The following KCTD8 variants were observed in gnomAD, a reference collection of about 807,000 sequenced individuals.
KCTD8 encodes the protein potassium channel tetramerization domain containing 8.
Under a neutral mutation model 31.5 loss-of-function variants are expected in KCTD8, and 27 were observed. The observed-to-expected ratio is 0.86, with a 90% CI of 0.63 to 1.18. The LOEUF (loss-of-function observed/expected upper bound fraction) is 1.18. Ranked by LOEUF, KCTD8 falls within the 50% of genes most tolerant of loss-of-function variation. The pLI is 0.00. For missense variants in KCTD8, 658 were observed against 647.7 expected (o/e 1.02, Z -0.17); for synonymous variants, 290 against 280.0 (o/e 1.04, Z -0.36).
intron 1 of KCTD8, among the ~76,000 whole-genome samples, chr4:44,365,549 A>G (rs1719609186): frequency 6.6e-6 from 1 of 152,202 alleles, no homozygotes; most frequent in African/African-American, 2.4e-5. Flanking sequence ...AAACAAGGTA[A>G]ATGAAAACAG....
At chr4:44,344,309 C>A (rs574294163) in intron 1 of KCTD8, among the ~76,000 whole-genome samples, 5 of 152,094 alleles carry the variant, frequency 3.3e-5, no homozygotes, top group Non-Finnish European at 4.4e-5. Context: ...CTCAGCCTCC[C>A]AGGTAGCTAA....
chr4:44,233,845 C>A (rs985188), intron 1 of KCTD8, among the ~76,000 whole-genome samples: 114,389 of 151,964 alleles, frequency 0.75, 43,904 homozygotes, highest in East Asian at 0.93. Flanking sequence ...ACGATGTAGA[C>A]TATTTTAATA....
chr4:44,316,848 G>A (rs1173565233), intron 1 of KCTD8, among the ~76,000 whole-genome samples: 6 of 146,194 alleles, frequency 4.1e-5, no homozygotes, highest in African/African-American at 1.0e-4. Flanking sequence ...CTTGGTGGCC[G>A]GCGCCTGTAG....
At chr4:44,410,618 A>G (rs1016686289) in intron 1 of KCTD8, among the ~76,000 whole-genome samples, 1 of 152,160 alleles carries the variant, frequency 6.6e-6, no homozygotes, top group African/African-American at 2.4e-5. Context: ...ACAGTTCCAC[A>G]TGGCTGCAGA....
chr4:44,175,198 A>G lies in KCTD8; in HGVS notation c.1014T>C (p.His338=). 6.2e-7 allele frequency: 1 copy of G among 1,607,774 alleles called. No individual in the cohort carries two copies. Among genetic ancestry groups the G allele is most frequent in the Non-Finnish European group, 8.5e-7 (1 of 1,177,312 alleles). The change falls in exon 2 of 2, where the codon CAT becomes CAC. Residue 338 remains histidine (H), a synonymous_variant. Coordinates refer to ENST00000360029, the MANE Select transcript of KCTD8 (RefSeq NM_198353.3). ...SPKQEHEDRK[H]DKVTDKGSES... ...CACTTCCTTTATCAGTGACTTTGTC[A>G]TGTTTCCTATCTTCATGTTCTTGTT...
intron 1 of KCTD8, among the ~76,000 whole-genome samples, chr4:44,342,584 G>A (rs931440020): frequency 2.6e-5 from 4 of 152,078 alleles, no homozygotes; most frequent in African/African-American, 9.7e-5. Context: ...GTCTTCAGTT[G>A]CATTAGATAC....
At chr4:44,431,642 C>T (rs1721509398) in intron 1 of KCTD8, among the ~76,000 whole-genome samples, 1 of 151,478 alleles carries the variant, frequency 6.6e-6, no homozygotes, top group East Asian at 1.9e-4. Context: ...TCTCCTGTAT[C>T]CAATTCTTAT....
intron 1 of KCTD8, among the ~76,000 whole-genome samples, chr4:44,319,845 T>C (rs1440769102): frequency 6.6e-6 from 1 of 152,068 alleles, no homozygotes; most frequent in African/African-American, 2.4e-5. Flanking sequence ...CATGTCTCAA[T>C]AAGACTTCCA....
intron 1 of KCTD8, among the ~76,000 whole-genome samples, chr4:44,238,957 C>G (rs1250658118): frequency 1.3e-5 from 2 of 151,952 alleles, no homozygotes; most frequent in African/African-American, 4.8e-5. Context: ...TCATAAGATG[C>G]TGGAAGTAGA....
At position 44,448,720 on chromosome 4, in the gene KCTD8, C is replaced by T. The variant is rs892587509; in HGVS notation, c.-197G>A. 68 of 431,514 alleles carry T rather than the reference C, an allele frequency of 1.6e-4. No homozygotes were observed. The highest frequency in any genetic ancestry group is 1.3e-3 in the Middle Eastern group (2 of 1,588). 26.7% of individuals were successfully genotyped at this position (431,514 alleles called of 1,614,324 possible). The stretch of plus-strand genomic sequence containing the variant: ...CGCCCGAGCTCCATCGGAGGAGAGA[C>T]GCGCGAGAGAGGAGCTCCGCCGGTG... On this transcript the variant is annotated 5_prime_UTR_variant, in exon 1 of 2. Transcript: ENST00000360029. This position sits in a 1 kb window ranked among gnomAD's most constrained non-coding sequence, Gnocchi z 4.1.
intron 1 of KCTD8, among the ~76,000 whole-genome samples, chr4:44,365,892 A>C (rs1719619208): frequency 6.6e-6 from 1 of 152,216 alleles, no homozygotes; most frequent in South Asian, 2.1e-4. Context: ...GGAAACTATT[A>C]CATAAATTAT....
At chr4:44,415,836 A>G (rs564746349) in intron 1 of KCTD8, among the ~76,000 whole-genome samples, 3 of 152,326 alleles carry the variant, frequency 2.0e-5, no homozygotes, top group East Asian at 1.9e-4. Context: ...AGCACCCACA[A>G]AAGACTGTAC....
At chr4:44,287,639 C>A (rs988899691) in intron 1 of KCTD8, among the ~76,000 whole-genome samples, 3 of 152,136 alleles carry the variant, frequency 2.0e-5, no homozygotes, top group African/African-American at 7.2e-5. Flanking sequence ...CTGATTCTGC[C>A]ATCTGTGGCA....
At chr4:44,225,429 T>A (rs1714928119) in intron 1 of KCTD8, among the ~76,000 whole-genome samples, 1 of 152,236 alleles carries the variant, frequency 6.6e-6, no homozygotes, top group Admixed American at 6.5e-5. Flanking sequence ...ATATTGTTTA[T>A]GACTACTTTC....
chr4:44,284,885 T>C (rs1295171867), intron 1 of KCTD8, among the ~76,000 whole-genome samples: 1 of 152,194 alleles, frequency 6.6e-6, no homozygotes, highest in Non-Finnish European at 1.5e-5. Flanking sequence ...TCATCATCAC[T>C]GGTCATTAGA....
At chr4:44,302,931 G>A (rs528408648) in intron 1 of KCTD8, among the ~76,000 whole-genome samples, 1,793 of 152,222 alleles carry the variant, frequency 0.012, 35 homozygotes, top group African/African-American at 0.042. Flanking sequence ...AGCATGAAGG[G>A]TTGTTGAATT....
At position 44,173,968 on chromosome 4, in the gene KCTD8, G is replaced by T. The variant is rs2109326170; in HGVS notation, c.*822C>A. On this transcript the variant is annotated 3_prime_UTR_variant, in exon 2 of 2. Coordinates refer to ENST00000360029, the MANE Select transcript of KCTD8 (RefSeq NM_198353.3). ...CTTTACCATTTCCCTCTATTATTTT[G>T]ATTAACATGATAATAGGATCTTTCA... 1 of 151,838 alleles carries T rather than the reference G, an allele frequency of 6.6e-6. No homozygotes were observed. The highest frequency in any genetic ancestry group is 2.4e-5 in the African/African-American group (1 of 41,410). 9.4% of individuals were successfully genotyped at this position (151,838 alleles called of 1,614,324 possible). A position where few individuals can be genotyped will look rare whatever the true frequency, so the allele number is the denominator to read the frequency against.
chr4:44,349,071 G>GCCACCACCACCACCACCACCA (rs200999276), intron 1 of KCTD8, among the ~76,000 whole-genome samples: 2 of 136,702 alleles, frequency 1.5e-5, no homozygotes, highest in African/African-American at 2.8e-5. Flanking sequence ...CGCTGCCACC[G>GCCACCACCACCACCACCACCA]CCACCACCAC....
Position 44,378,209 on chromosome 4 carries a change from T to C in KCTD8, c.961+69354A>G, listed in dbSNP as rs1376643340. Among the ~76,000 whole-genome samples, 3 of 143,756 alleles carry C rather than the reference T, an allele frequency of 2.1e-5. No individual in the cohort carries two copies. The Admixed American group carries it at 2.1e-4, about 10-fold the overall frequency. The allele number at this position is 143,756 out of a possible 152,430, so 94.3% of individuals were successfully genotyped here. A position where few individuals can be genotyped will look rare whatever the true frequency, so the allele number is the denominator to read the frequency against. The stretch of plus-strand genomic sequence containing the variant: ...GAAATAAAAAATACATACATATATA[T>C]GTATGTATATTTTATATATATATGT... On this transcript the variant is annotated intron_variant, in intron 1 of 1. Coordinates refer to ENST00000360029, the MANE Select transcript of KCTD8 (RefSeq NM_198353.3).
Sources: allele counts gnomAD v4.1 joint callset (sites outside exome capture counted in the v4.1 genomes callset), GRCh38; gene constraint gnomAD v4.1.1; non-coding constraint Gnocchi (gnomAD v3.1); transcripts MANE v1.5; gene names NCBI Gene and HGNC (gene_info 2026-07-23, HGNC 2026-07-21).